The following IREB2 variants were observed in gnomAD, a reference collection of about 807,000 sequenced individuals.
The protein encoded by IREB2 is iron-responsive element-binding protein 2.
A neutral mutation model predicts 118.8 loss-of-function variants in IREB2; 39 were observed. That is an observed-to-expected ratio of 0.33 (90% CI 0.25 to 0.43). IREB2 has a LOEUF of 0.43. Ranked by LOEUF, IREB2 falls within the 20% of genes least tolerant of loss-of-function variation. IREB2 has a pLI of 1.00. For missense variants in IREB2, 900 were observed against 1,147.3 expected (o/e 0.78, Z 3.11); for synonymous variants, 372 against 392.2 (o/e 0.95, Z 0.61).
Position 78,483,399 on chromosome 15 carries a change from A to G in IREB2, c.1378A>G (p.Met460Val), listed in dbSNP as rs750409857. 3 of 1,603,992 alleles carry G rather than the reference A, an allele frequency of 1.9e-6. No homozygotes were observed. The highest frequency in any genetic ancestry group is 1.1e-5 in the South Asian group (1 of 90,874). ...RPQDRVAVTD[M>V]KSDFQACLNE... ...TCAGGATAGAGTTGCTGTGACAGAT[A>G]TGAAAAGCGATTTCCAGGCTTGCTT... The change falls in exon 11 of 22, where the codon ATG becomes GTG. Residue 460 changes from methionine to valine, a missense_variant. Coordinates refer to ENST00000258886, the MANE Select transcript of IREB2 (RefSeq NM_004136.4).
chr15:78,482,296 A>T (rs577990193), intron 10 of IREB2, among the ~76,000 whole-genome samples: 32 of 152,330 alleles, frequency 2.1e-4, no homozygotes, highest in Non-Finnish European at 4.4e-4. Context: ...ATAAACAGGG[A>T]TATAAAATAA....
rs1259160943 is a variant in IREB2 at position 78,488,337 on chromosome 15, G to A, written c.1951+1G>A. 1 of 1,575,128 alleles carries A rather than the reference G, an allele frequency of 6.3e-7. No homozygotes were observed. Among genetic ancestry groups the A allele is most frequent in the East Asian group, 2.3e-5 (1 of 43,686 alleles). On this transcript the variant is annotated splice_donor_variant, in intron 15 of 21. Coordinates refer to ENST00000258886, the MANE Select transcript of IREB2 (RefSeq NM_004136.4). LOFTEE classifies it high-confidence loss of function. ...ATAGATTTCCAGACAGAACCTTTAGGTATCTTTTCCTTTATGTATATGTAT... is the reference window on the plus strand; with the variant it reads ...ATAGATTTCCAGACAGAACCTTTAGATATCTTTTCCTTTATGTATATGTAT...
chr15:78,490,243 A>AT (rs1228759912), intron 16 of IREB2, among the ~76,000 whole-genome samples, 179 bp from the exon 17 acceptor site: 1 of 152,272 alleles, frequency 6.6e-6, no homozygotes, highest in African/African-American at 2.4e-5. Flanking sequence ...AAAATTTAAA[A>AT]TTTTTTAAAA....
intron 2 of IREB2, among the ~76,000 whole-genome samples, chr15:78,452,096 G>A (rs1259734639): frequency 6.6e-6 from 1 of 152,164 alleles, no homozygotes; most frequent in African/African-American, 2.4e-5. Flanking sequence ...GACCACCTAG[G>A]GAACCTAAGT....
At chr15:78,438,423 T>A in intron 1 of IREB2, 67 bp downstream of exon 1, 2 of 1,546,944 alleles carry the variant, frequency 1.3e-6, no homozygotes, top group East Asian at 2.4e-5. Context: ...GCCGAATTCC[T>A]TGCTTTTCTC....
intron 2 of IREB2, among the ~76,000 whole-genome samples, chr15:78,452,472 C>T (rs1022099134): frequency 2.0e-5 from 3 of 150,980 alleles, no homozygotes; most frequent in Non-Finnish European, 4.4e-5. Flanking sequence ...GCCATAGGAG[C>T]AGTTGTACTC....
chr15:78,460,199 A>T (rs1402024105), intron 2 of IREB2, among the ~76,000 whole-genome samples: 1 of 152,130 alleles, frequency 6.6e-6, no homozygotes, highest in African/African-American at 2.4e-5. Flanking sequence ...TAGATCCATT[A>T]TTTCATTAGG....
chr15:78,482,432 A>G (rs2051590379), intron 10 of IREB2, among the ~76,000 whole-genome samples: 1 of 152,236 alleles, frequency 6.6e-6, no homozygotes, highest in African/African-American at 2.4e-5. Flanking sequence ...AACAAAAAAT[A>G]CGTTTCTTAA....
chr15:78,466,527 G>T (rs1332673703), intron 5 of IREB2, 38 bp downstream of exon 5: 10 of 1,392,678 alleles, frequency 7.2e-6, no homozygotes, highest in East Asian at 2.3e-5. Context: ...TTAATACCAG[G>T]TTATTTTCCA....
At chr15:78,488,521 C>A in intron 15 of IREB2, 126 bp from the exon 16 acceptor site, 1 of 1,037,118 alleles carries the variant, frequency 9.6e-7, no homozygotes, top group Non-Finnish European at 1.4e-6. Context: ...TTAGTTCTTC[C>A]AGCCGCTTAA....
In IREB2 at chr15:78,484,857, G is replaced by C. The variant is rs968384778; in HGVS notation, c.1510G>C (p.Val504Leu). The stretch of plus-strand genomic sequence containing the variant: ...TGAATATAAGCTGTCTCATGGATCA[G>C]TGGTCATTGCTGCAGTTATCAGTTG... Reference protein sequence around the residue: ...GSEYKLSHGSVVIAAVISCTN... With the variant: ...GSEYKLSHGSLVIAAVISCTN... The change falls in exon 12 of 22, where the codon GTG (valine) becomes CTG (leucine). Residue 504 changes from valine (V) to leucine (L), a missense_variant. By Grantham distance (32) the Val-to-Leu change is conservative (BLOSUM62 1). Coordinates refer to ENST00000258886, the MANE Select transcript of IREB2 (RefSeq NM_004136.4). 3 of 1,613,822 alleles carry C rather than the reference G, an allele frequency of 1.9e-6. No homozygotes were observed. Among genetic ancestry groups the C allele is most frequent in the Non-Finnish European group, 2.5e-6 (3 of 1,179,874 alleles).
chr15:78,500,348 A>G lies in IREB2; in HGVS notation c.*2205A>G, dbSNP rs1567006531. 1 of 152,182 alleles carries G rather than the reference A, an allele frequency of 6.6e-6. No individual in the cohort carries two copies. Among genetic ancestry groups the G allele is most frequent in the Non-Finnish European group, 1.5e-5 (1 of 68,018 alleles). 9.4% of individuals were successfully genotyped at this position (152,182 alleles called of 1,614,324 possible). ...CAAGGTTCTCTTAATTTTTTGGCTT[A>G]TATACAATGAAGTAAAAACTTGATA... On this transcript the variant is annotated 3_prime_UTR_variant, in exon 22 of 22. Coordinates refer to ENST00000258886, the MANE Select transcript of IREB2 (RefSeq NM_004136.4).
chr15:78,470,688 CCT>C, intron 6 of IREB2, 87 bp downstream of exon 6: 1 of 404,864 alleles, frequency 2.5e-6, no homozygotes, highest in Non-Finnish European at 4.1e-6. Flanking sequence ...TTTTTCTTTT[CCT>C]TTTTTTTTTT....
chr15:78,458,812 TTTG>T (rs1028053885), intron 2 of IREB2, among the ~76,000 whole-genome samples: 21 of 152,134 alleles, frequency 1.4e-4, no homozygotes, highest in African/African-American at 5.1e-4. Flanking sequence ...ATATATTCGT[TTTG>T]TTGTTGTTTT....
intron 2 of IREB2, among the ~76,000 whole-genome samples, chr15:78,440,876 C>T (rs111619851): frequency 9.2e-5 from 14 of 152,060 alleles, no homozygotes; most frequent in African/African-American, 2.9e-4. Context: ...TGAATGTGGG[C>T]GACCTATAGG....
rs2051734701 is a variant in IREB2 at position 78,490,627 on chromosome 15, G to A, written c.2190G>A (p.Glu730=). 6.2e-6 allele frequency: 10 copies of A among 1,614,050 alleles called. No homozygotes were observed. The highest frequency in any genetic ancestry group is 1.1e-5 in the South Asian group (1 of 91,080). Residue 730 remains glutamate, a synonymous_variant, in exon 18 of 22, where the codon GAG becomes GAA. Transcript: ENST00000258886. Reference sequence around the variant, plus strand: ...GAACTTTTACCTTCTAGACCAAAGAGCCAATTGCACTCCAGGCTATTGAAA... The same window carrying A: ...GAACTTTTACCTTCTAGACCAAAGAACCAATTGCACTCCAGGCTATTGAAA... ...CPSFFDKLTK[E]PIALQAIENA... is the part of the protein sequence containing the mutation.
chr15:78,476,395 A>G (rs766524723), intron 9 of IREB2, 36 bp downstream of exon 9: 3 of 1,397,416 alleles, frequency 2.1e-6, no homozygotes, highest in Non-Finnish European at 3.0e-6. Flanking sequence ...TAAACATGTT[A>G]CATTTCCAAT....
chr15:78,450,807 T>C (rs1158730313), intron 2 of IREB2, among the ~76,000 whole-genome samples: 1 of 149,394 alleles, frequency 6.7e-6, no homozygotes, highest in Non-Finnish European at 1.5e-5. Flanking sequence ...GAGAGGGCTG[T>C]GGTGATATTA....
At chr15:78,479,919 T>TTAA (rs556070457) in intron 10 of IREB2, 5 of 135,718 alleles carry the variant, frequency 3.7e-5, no homozygotes, top group African/African-American at 5.4e-5. Context: ...AGACAGTGTC[T>TTAA]AAAAAAAAAA....
Sources: gnomAD v4.1 joint callset for allele counts (sites outside exome capture counted in the v4.1 genomes callset) on GRCh38, gnomAD v4.1.1 for gene constraint, MANE v1.5 for transcripts, NCBI Gene and HGNC (gene_info 2026-07-23, HGNC 2026-07-21) for gene names.